The following AKAP9 variants were observed in gnomAD, a reference collection of about 807,000 sequenced individuals.
AKAP9 encodes A-kinase anchor protein 9.
AKAP9 carries 311 observed loss-of-function variants against 488.5 expected under a neutral mutation model. That is an observed-to-expected ratio of 0.64 (90% CI 0.58 to 0.70). The LOEUF is 0.70. Among genes scored for constraint, AKAP9 ranks in the 30% least tolerant of loss-of-function variants. The pLI is 0.00. For synonymous variants in AKAP9, 1,462 were observed against 1,483.5 expected, an observed-to-expected ratio of 0.99 and a Z score of 0.33; for missense variants, 4,215 against 4,374.5, an observed-to-expected ratio of 0.96 and a Z score of 1.03.
Position 92,001,406 on chromosome 7 carries a change from G to T in AKAP9, c.1489G>T (p.Glu497Ter), listed in dbSNP as rs730880043. The change falls in exon 8 of 50, where the codon GAA becomes TAA. Residue 497 changes from glutamate (E) to a stop codon, truncating the protein, a stop_gained. Transcript: ENST00000356239. LOFTEE classifies it high-confidence loss of function. Reference protein sequence around the residue: ...QIKLMNVAINELNIKLQDTNS... With the variant: ...QIKLMNVAIN ...AAAGTTAATGAATGTGGCAATAAAT[G>T]AACTGAATATAAAATTGCAAGATAC... 2 of 1,613,696 alleles carry T rather than the reference G, an allele frequency of 1.2e-6. No homozygotes were observed. Among genetic ancestry groups the T allele is most frequent in the Admixed American group, 1.7e-5 (1 of 59,994 alleles).
At chr7:92,084,502 A>C in intron 33 of AKAP9, 138 bp from the exon 34 acceptor site, 1 of 635,900 alleles carries the variant, frequency 1.6e-6, no homozygotes. Context: ...TAAAAAAAAA[A>C]ACCATGAATA....
rs766878150 is a variant in AKAP9, at chr7:92,085,620, T to C, written c.8958T>C (p.Ala2986=). ...AACCTTGGCTAGAAGAGAGAAAAGC[T>C]TACATCAATACAATCTCATCTCTAA... ...VSEPWLEERK[A]YINTISSLKD... Residue 2986 remains alanine, a synonymous_variant, in exon 36 of 50, where the codon GCT becomes GCC. Coordinates refer to ENST00000356239, the MANE Select transcript of AKAP9 (RefSeq NM_005751.5). 3 of 1,613,928 alleles carry C rather than the reference T, an allele frequency of 1.9e-6. No homozygotes were observed. The highest frequency in any genetic ancestry group is 4.5e-5 in the East Asian group (2 of 44,880).
At chr7:91,954,403 G>A (rs549230719) in intron 1 of AKAP9, among the ~76,000 whole-genome samples, 1 of 152,208 alleles carries the variant, frequency 6.6e-6, no homozygotes, top group African/African-American at 2.4e-5. Flanking sequence ...TCCCATCTCA[G>A]CCTCCCAAGT....
At chr7:91,959,891 A>G (rs1793521077) in intron 1 of AKAP9, among the ~76,000 whole-genome samples, 1 of 152,188 alleles carries the variant, frequency 6.6e-6, no homozygotes, top group Non-Finnish European at 1.5e-5. Flanking sequence ...AATACTTTAA[A>G]GCATCCTTAA....
chr7:92,070,293 A>G (rs1811483344), intron 27 of AKAP9, 87 bp downstream of exon 27: 4 of 1,348,732 alleles, frequency 3.0e-6, no homozygotes, highest in African/African-American at 2.9e-5. Context: ...ATTATTACAT[A>G]TTATGTTTAT....
intron 24 of AKAP9, among the ~76,000 whole-genome samples, chr7:92,064,514 A>G (rs1810439048): frequency 6.6e-6 from 1 of 152,180 alleles, no homozygotes; most frequent in African/African-American, 2.4e-5. Flanking sequence ...TATTATTCTC[A>G]GTTTACATAT....
chr7:92,078,433 G>A (rs558769062), intron 30 of AKAP9, among the ~76,000 whole-genome samples: 10 of 152,130 alleles, frequency 6.6e-5, no homozygotes, highest in Admixed American at 6.5e-4. Flanking sequence ...ACCAGCCTGG[G>A]CAACATGGTG....
intron 2 of AKAP9, among the ~76,000 whole-genome samples, chr7:91,975,699 T>G (rs1227898000): frequency 6.6e-6 from 1 of 152,186 alleles, no homozygotes; most frequent in Non-Finnish European, 1.5e-5. Context: ...CCTTGTATTA[T>G]TTCTCCTAAT....
chr7:92,084,319 G>A (rs1480087873), intron 33 of AKAP9, among the ~76,000 whole-genome samples: 2 of 152,142 alleles, frequency 1.3e-5, no homozygotes, highest in Admixed American at 6.5e-5. Context: ...CAATTTTAAT[G>A]GTTTTGAACT....
Position 92,093,420 on chromosome 7 carries a change from T to G in AKAP9, c.9578+104T>G, listed in dbSNP as rs946188793. 9 of 990,784 alleles carry G rather than the reference T, an allele frequency of 9.1e-6. No individual in the cohort carries two copies. In the Admixed American group the frequency reaches 1.4e-4, roughly 15 times the overall value. 61.4% of individuals were successfully genotyped at this position (990,784 alleles called of 1,614,324 possible). A position where few individuals can be genotyped will look rare whatever the true frequency, so the allele number is the denominator to read the frequency against. On this transcript the variant is annotated intron_variant, in intron 39 of 49. Coordinates refer to ENST00000356239, the MANE Select transcript of AKAP9 (RefSeq NM_005751.5). ...AAATGTAACATGCATGATATTTAAA[T>G]AGCATGCAACTGTTTTTTTTAGGAA... is the stretch of plus-strand genomic sequence containing the variant.
At chr7:91,970,720 C>T (rs900866395) in intron 1 of AKAP9, among the ~76,000 whole-genome samples, 2 of 152,234 alleles carry the variant, frequency 1.3e-5, no homozygotes, top group African/African-American at 4.8e-5. Context: ...TGTTGCCAGA[C>T]GAATTGTAGC....
At chr7:92,008,232 G>C (rs1267107569) in intron 8 of AKAP9, among the ~76,000 whole-genome samples, 1 of 151,944 alleles carries the variant, frequency 6.6e-6, no homozygotes, top group Non-Finnish European at 1.5e-5. Context: ...CCGGGCATGG[G>C]GGCGCGTGCC....
intron 11 of AKAP9, 43 bp downstream of exon 11, chr7:92,016,310 TTAAA>T (rs1801503301): frequency 7.5e-7 from 1 of 1,330,954 alleles, no homozygotes; most frequent in Non-Finnish European, 1.0e-6. Flanking sequence ...TTTAATCCTC[TTAAA>T]TTAATTGATG....
intron 20 of AKAP9, chr7:92,043,386 A>G (rs1025839722): frequency 2.2e-5 from 20 of 929,536 alleles, no homozygotes; most frequent in Non-Finnish European, 2.4e-5. Flanking sequence ...GTGTATGAAA[A>G]TTAGAGTTAC....
At position 92,071,075 on chromosome 7, in the gene AKAP9, T is replaced by C. The variant is rs183201400; in HGVS notation, c.6612+66T>C. The C allele has an allele frequency of 9.9e-6, 14 of 1,411,930 alleles. No homozygotes were observed. In the East Asian group the frequency reaches 3.2e-4, roughly 32 times the overall value. The allele number at this position is 1,411,930 out of a possible 1,614,324, so 87.5% of individuals were successfully genotyped here. Reference sequence around the variant, plus strand: ...TATTTTAAATCAGTTACCTTGAAAATATTATTTGAACTGAATGTAGTTTAT... The same window carrying C: ...TATTTTAAATCAGTTACCTTGAAAACATTATTTGAACTGAATGTAGTTTAT... On this transcript the variant is annotated intron_variant, in intron 28 of 49. Coordinates refer to ENST00000356239, the MANE Select transcript of AKAP9 (RefSeq NM_005751.5).
At chr7:91,958,832 T>A (rs1290439934) in intron 1 of AKAP9, among the ~76,000 whole-genome samples, 1 of 151,000 alleles carries the variant, frequency 6.6e-6, no homozygotes, top group African/African-American at 2.4e-5. Context: ...TCCAAGTTTA[T>A]GTTGAGAGCA....
At position 91,975,761 on chromosome 7, in the gene AKAP9, T is replaced by TTTTTG. The variant is rs778973771; in HGVS notation, c.306+1813_306+1817dup. ...TAACCATTGAGTTTTATATTAGCTG[T>TTTTTG]TTTTGTTTTGTTTTGTTTTGTTTTT... On this transcript the variant is annotated intron_variant, in intron 2 of 49. Coordinates refer to ENST00000356239, the MANE Select transcript of AKAP9 (RefSeq NM_005751.5). Among the ~76,000 whole-genome samples the TTTTTG allele has an allele frequency of 6.6e-5, 10 of 152,096 alleles. No homozygotes were observed. The East Asian group carries it at 7.7e-4, about 12-fold the overall frequency.
chr7:92,046,450 A>G (rs1043991763), intron 21 of AKAP9, among the ~76,000 whole-genome samples: 2 of 152,238 alleles, frequency 1.3e-5, no homozygotes, highest in African/African-American at 4.8e-5. Context: ...TTGCCTAATT[A>G]TAAGTTGGCC....
intron 1 of AKAP9, among the ~76,000 whole-genome samples, chr7:91,966,024 A>C (rs1794404432): frequency 6.6e-6 from 1 of 152,094 alleles, no homozygotes; most frequent in Admixed American, 6.6e-5. Flanking sequence ...TGCTGTACAG[A>C]AACTTTTTAG....
Sources: allele counts gnomAD v4.1 joint callset (sites outside exome capture counted in the v4.1 genomes callset), GRCh38; gene constraint gnomAD v4.1.1; transcripts MANE v1.5; gene names NCBI Gene and HGNC (gene_info 2026-07-23, HGNC 2026-07-21).